CDH13: variants seen among roughly 807,000 people sequenced by gnomAD.
CDH13 encodes cadherin 13, also known as cadherin-13.
Under a neutral mutation model 63.8 loss-of-function variants are expected in CDH13, and 24 were observed. The observed-to-expected ratio is 0.38, with a 90% CI of 0.27 to 0.53. CDH13 has a LOEUF of 0.53. Ranked by LOEUF, CDH13 falls within the 20% of genes least tolerant of loss-of-function variation. CDH13 has a pLI of 0.85. For missense variants in CDH13, 1,049 were observed against 903.1 expected, an observed-to-expected ratio of 1.16 and a Z score of -2.07; for synonymous variants, 503 against 355.3, an observed-to-expected ratio of 1.42 and a Z score of -4.67.
chr16:83,783,745 T>C (rs1915691556), intron 13 of CDH13, among the ~76,000 whole-genome samples: 2 of 152,204 alleles, frequency 1.3e-5, no homozygotes, highest in Non-Finnish European at 2.9e-5. Flanking sequence ...CAAAACTTCC[T>C]ACAGCTGCCA....
intron 1 of CDH13, among the ~76,000 whole-genome samples, chr16:82,641,117 G>A (rs78567916): frequency 0.012 from 1,826 of 152,246 alleles, 41 homozygotes; most frequent in African/African-American, 0.042. Context: ...TTGCTGCTGG[G>A]TCTCTACAAA....
intron 1 of CDH13, among the ~76,000 whole-genome samples, chr16:82,629,296 A>G (rs1234558605): frequency 6.6e-6 from 1 of 152,224 alleles, no homozygotes; most frequent in African/African-American, 2.4e-5. Context: ...GTGAATTGAA[A>G]TGATTGCCCT....
intron 11 of CDH13, among the ~76,000 whole-genome samples, chr16:83,774,861 G>A (rs1914999414): frequency 1.3e-5 from 2 of 152,166 alleles, no homozygotes; most frequent in Non-Finnish European, 2.9e-5. Flanking sequence ...ATGAATGGTG[G>A]TGATGTTCCC....
chr16:83,227,355 G>C (rs561022132), intron 5 of CDH13, among the ~76,000 whole-genome samples: 2 of 152,202 alleles, frequency 1.3e-5, no homozygotes, highest in Admixed American at 1.3e-4. Context: ...GTTGGCACAT[G>C]GTATGGAAGC....
At chr16:82,905,484 G>A (rs1328430129) in intron 2 of CDH13, among the ~76,000 whole-genome samples, 2 of 150,602 alleles carry the variant, frequency 1.3e-5, no homozygotes, top group East Asian at 1.9e-4. Flanking sequence ...AATTTTTTCA[G>A]CAAATTAAAA....
At chr16:83,039,742 T>C (rs1307101784) in intron 3 of CDH13, among the ~76,000 whole-genome samples, 1 of 152,124 alleles carries the variant, frequency 6.6e-6, no homozygotes, top group Non-Finnish European at 1.5e-5. Context: ...ACACCCTACA[T>C]TGAACTCTCC....
intron 2 of CDH13, among the ~76,000 whole-genome samples, chr16:82,916,795 A>G (rs2151274086): frequency 6.6e-6 from 1 of 152,120 alleles, no homozygotes; most frequent in East Asian, 1.9e-4. Flanking sequence ...AGAGCAGGAG[A>G]CCTAAAAAAT....
At chr16:82,897,342 C>G (rs992111073) in intron 2 of CDH13, among the ~76,000 whole-genome samples, 9 of 152,066 alleles carry the variant, frequency 5.9e-5, no homozygotes, top group Non-Finnish European at 8.8e-5. Flanking sequence ...CCATGGCCAC[C>G]ACAGAGATGT....
intron 8 of CDH13, among the ~76,000 whole-genome samples, chr16:83,630,569 T>C (rs1250618730): frequency 6.6e-6 from 1 of 152,196 alleles, no homozygotes; most frequent in Non-Finnish European, 1.5e-5. Flanking sequence ...GGTAGAGGAA[T>C]AGTCACTTAT....
chr16:83,694,453 A>G (rs1431367538), intron 10 of CDH13, among the ~76,000 whole-genome samples: 2 of 152,220 alleles, frequency 1.3e-5, no homozygotes, highest in Non-Finnish European at 2.9e-5. Context: ...GTCAGGAATG[A>G]GAAACATCCA....
chr16:82,750,905 G>T (rs577750692), intron 1 of CDH13, among the ~76,000 whole-genome samples: 17 of 152,236 alleles, frequency 1.1e-4, no homozygotes, highest in African/African-American at 4.1e-4. Context: ...CTTAAAACAA[G>T]TGTCTTTAAA....
chr16:83,188,522 A>T (rs941054445), intron 4 of CDH13, among the ~76,000 whole-genome samples: 1 of 152,120 alleles, frequency 6.6e-6, no homozygotes, highest in Non-Finnish European at 1.5e-5. Flanking sequence ...AGAGGGGGGA[A>T]ACTGAAGCTC....
At chr16:83,170,544 C>T (rs1043196166) in intron 4 of CDH13, among the ~76,000 whole-genome samples, 5 of 152,096 alleles carry the variant, frequency 3.3e-5, no homozygotes, top group African/African-American at 1.2e-4. Context: ...TGAGATTTTC[C>T]GGACAGCTAT....
intron 2 of CDH13, among the ~76,000 whole-genome samples, chr16:82,968,599 C>A (rs865825948): frequency 2.0e-5 from 3 of 152,278 alleles, no homozygotes; most frequent in South Asian, 4.1e-4. Flanking sequence ...CCTCCACTAT[C>A]CTGAAAACAT....
intron 4 of CDH13, among the ~76,000 whole-genome samples, chr16:83,143,960 G>T (rs1263254395): frequency 6.6e-6 from 1 of 152,116 alleles, no homozygotes; most frequent in African/African-American, 2.4e-5. Context: ...CAGAAGGCTG[G>T]TGGTTGCTGC....
At chr16:82,881,393 G>A (rs1330822570) in intron 2 of CDH13, among the ~76,000 whole-genome samples, 2 of 152,090 alleles carry the variant, frequency 1.3e-5, no homozygotes, top group Non-Finnish European at 2.9e-5. Context: ...CTTATCAAAG[G>A]CTCAGTCAAT....
At chr16:83,448,181 T>A (rs2072768251) in intron 6 of CDH13, among the ~76,000 whole-genome samples, 1 of 152,152 alleles carries the variant, frequency 6.6e-6, no homozygotes, top group African/African-American at 2.4e-5. Context: ...TTTTTTTTAA[T>A]CTCATGATCT....
rs76899147 is a variant in CDH13, at chr16:83,247,931, C to G, written c.636+30434C>G. Among the ~76,000 whole-genome samples the G allele has an allele frequency of 4.9e-3, 743 of 152,252 alleles. 3 individuals are homozygous for G. Among genetic ancestry groups the G allele is most frequent in the African/African-American group, 0.017 (708 of 41,550 alleles). The stretch of plus-strand genomic sequence containing the variant: ...TTTAAATGTCACCCATGTGTTAGAG[C>G]CTTTTGTTCCGCTCTGTTTCTGCAC... On this transcript the variant is annotated intron_variant, in intron 5 of 13. Transcript: ENST00000567109.
chr16:83,785,995 A>T (rs1567595303), intron 13 of CDH13, among the ~76,000 whole-genome samples: 1 of 152,152 alleles, frequency 6.6e-6, no homozygotes, highest in Non-Finnish European at 1.5e-5. Context: ...GGAGGAGAGT[A>T]AAGTTAAGAA....
Sources: gnomAD v4.1 joint callset for allele counts (sites outside exome capture counted in the v4.1 genomes callset) on GRCh38, gnomAD v4.1.1 for gene constraint, MANE v1.5 for transcripts, NCBI Gene and HGNC (gene_info 2026-07-23, HGNC 2026-07-21) for gene names.